The following ADARB2 variants were observed in gnomAD, a reference collection of about 807,000 sequenced individuals.
The protein encoded by ADARB2 is adenosine deaminase RNA specific B2 (inactive).
Under a neutral mutation model 62.2 loss-of-function variants are expected in ADARB2, and 25 were observed. The observed-to-expected ratio is 0.40, with a 90% CI of 0.29 to 0.56. The LOEUF (loss-of-function observed/expected upper bound fraction) is 0.56. Ranked by LOEUF, ADARB2 falls within the 20% of genes least tolerant of loss-of-function variation. The pLI is 0.43. For synonymous variants in ADARB2, 572 were observed against 500.8 expected (o/e 1.14, Z -1.90); for missense variants, 1,071 against 1,077.4 (o/e 0.99, Z 0.08).
chr10:1,533,909 C>T (rs74686493), intron 1 of ADARB2, among the ~76,000 whole-genome samples: 3,125 of 152,066 alleles, frequency 0.021, 113 homozygotes, highest in African/African-American at 0.07. Flanking sequence ...TGGTTTTTAA[C>T]GTAATCATTT....
Position 1,580,503 on chromosome 10 carries a change from C to CTTTTT in ADARB2, c.100+156543_100+156547dup, listed in dbSNP as rs11376658. Among the ~76,000 whole-genome samples the CTTTTT allele has an allele frequency of 2.8e-3, 400 of 144,808 alleles. 2 individuals carry two copies. The highest frequency in any genetic ancestry group is 3.6e-3 in the Non-Finnish European group (236 of 66,378). The allele number at this position is 144,808 out of a possible 152,430, so 95.0% of individuals were successfully genotyped here. A position where few individuals can be genotyped will look rare whatever the true frequency, so the allele number is the denominator to read the frequency against. On this transcript the variant is annotated intron_variant, in intron 1 of 9. Coordinates refer to ENST00000381312, the MANE Select transcript of ADARB2 (RefSeq NM_018702.4). ...TGAGATGAGAAAATTTGTCTTAAGG[C>CTTTTT]TTTTTTTTTTTTAGAGATTTCATTT...
chr10:1,646,706 A>G (rs1469758512), intron 1 of ADARB2, among the ~76,000 whole-genome samples: 1 of 152,228 alleles, frequency 6.6e-6, no homozygotes, highest in East Asian at 1.9e-4. Flanking sequence ...CCATTTTGCT[A>G]TAGCTCAGAC....
chr10:1,449,316 C>T (rs1286883202), intron 1 of ADARB2, among the ~76,000 whole-genome samples: 2 of 152,158 alleles, frequency 1.3e-5, no homozygotes, highest in East Asian at 3.9e-4. Flanking sequence ...CAGCTGGACC[C>T]CGTGCCCCTT....
At chr10:1,498,913 C>T (rs960128055) in intron 1 of ADARB2, among the ~76,000 whole-genome samples, 3 of 152,068 alleles carry the variant, frequency 2.0e-5, no homozygotes, top group African/African-American at 7.2e-5. Flanking sequence ...ACTCATCACT[C>T]AACACTCATT....
chr10:1,697,354 C>T (rs1271627468), intron 1 of ADARB2, among the ~76,000 whole-genome samples: 1 of 152,156 alleles, frequency 6.6e-6, no homozygotes, highest in African/African-American at 2.4e-5. Context: ...CCTTGTTGCT[C>T]AGTTTTCAGA....
At chr10:1,696,444 C>T (rs1037867728) in intron 1 of ADARB2, among the ~76,000 whole-genome samples, 3 of 152,160 alleles carry the variant, frequency 2.0e-5, no homozygotes, top group African/African-American at 7.2e-5. Flanking sequence ...TATATGATTT[C>T]TCCTGTTTTT....
At chr10:1,480,567 T>A (rs939855870) in intron 1 of ADARB2, among the ~76,000 whole-genome samples, 1 of 152,040 alleles carries the variant, frequency 6.6e-6, no homozygotes, top group Non-Finnish European at 1.5e-5. Flanking sequence ...CCGTGGTGGC[T>A]GGCACCTGTA....
chr10:1,475,326 C>T (rs1052829108), intron 1 of ADARB2, among the ~76,000 whole-genome samples: 2 of 152,206 alleles, frequency 1.3e-5, no homozygotes, highest in African/African-American at 4.8e-5. Flanking sequence ...CACCTTTTCC[C>T]CTTGGGCTTC....
intron 1 of ADARB2, among the ~76,000 whole-genome samples, chr10:1,514,701 G>A (rs955310431): frequency 6.6e-6 from 1 of 152,162 alleles, no homozygotes; most frequent in African/African-American, 2.4e-5. Flanking sequence ...GTCACCTGTG[G>A]CAGATGGCTA....
Position 1,183,106 on chromosome 10 carries a change from G to T in ADARB2, c.*87C>A. Reference sequence around the variant, plus strand: ...GACACCAAAGTAAAACGAATGCAGGGAACCGGCCGACCCGCCACGTCGCCC... The same window carrying T: ...GACACCAAAGTAAAACGAATGCAGGTAACCGGCCGACCCGCCACGTCGCCC... On this transcript the variant is annotated 3_prime_UTR_variant, in exon 10 of 10. Coordinates refer to ENST00000381312, the MANE Select transcript of ADARB2 (RefSeq NM_018702.4). 1 of 1,468,076 alleles carries T rather than the reference G, an allele frequency of 6.8e-7. No homozygotes were observed. The highest frequency in any genetic ancestry group is 9.2e-7 in the Non-Finnish European group (1 of 1,083,496). 90.9% of individuals were successfully genotyped at this position (1,468,076 alleles called of 1,614,324 possible). A position where few individuals can be genotyped will look rare whatever the true frequency, so the allele number is the denominator to read the frequency against.
intron 1 of ADARB2, among the ~76,000 whole-genome samples, chr10:1,404,294 G>A (rs1308315480): frequency 2.6e-5 from 4 of 152,220 alleles, no homozygotes; most frequent in East Asian, 1.9e-4. Context: ...GGGGGACCTC[G>A]GGAGATGCCC....
At chr10:1,184,767 C>A (rs576946072) in intron 9 of ADARB2, 94 bp downstream of exon 9, 225 of 1,393,406 alleles carry the variant, frequency 1.6e-4, no homozygotes, top group African/African-American at 2.9e-5. Context: ...TCCCTCCCTG[C>A]AGACCAAGTG....
At chr10:1,271,632 GCA>G (rs1019464118) in intron 3 of ADARB2, among the ~76,000 whole-genome samples, 19 of 150,638 alleles carry the variant, frequency 1.3e-4, no homozygotes, top group South Asian at 4.2e-4. Context: ...GCACACACAT[GCA>G]CACACACAGA....
intron 1 of ADARB2, among the ~76,000 whole-genome samples, chr10:1,467,156 G>T (rs1831264407): frequency 6.6e-6 from 1 of 152,132 alleles, no homozygotes; most frequent in East Asian, 1.9e-4. Flanking sequence ...ACATTGCGAT[G>T]CTTTCTATGT....
chr10:1,243,202 G>A (rs1031392171), intron 4 of ADARB2, among the ~76,000 whole-genome samples: 2 of 152,240 alleles, frequency 1.3e-5, no homozygotes, highest in Non-Finnish European at 2.9e-5. Flanking sequence ...GGAATGTTGC[G>A]GGTGCCCAGG....
At chr10:1,391,695 A>G (rs966538936) in intron 1 of ADARB2, among the ~76,000 whole-genome samples, 2 of 152,170 alleles carry the variant, frequency 1.3e-5, no homozygotes, top group African/African-American at 4.8e-5. Context: ...TTCATGTGAA[A>G]TAACACATTG....
rs2131781577 is a variant in ADARB2 at position 1,248,848 on chromosome 10, C to T, written c.1193-6549G>A. ...TGGCCAAACAGCAGGGCTCCTGCAC[C>T]CCCGCCAAAGCACCAAGCACAGTGA... On this transcript the variant is annotated intron_variant, in intron 4 of 9. Transcript: ENST00000381312. 2.0e-5 allele frequency among the ~76,000 whole-genome samples: 3 copies of T among 152,268 alleles called. No homozygotes were observed. The South Asian group carries it at 6.2e-4, about 32-fold the overall frequency.
At chr10:1,455,932 G>A (rs1028322060) in intron 1 of ADARB2, among the ~76,000 whole-genome samples, 3 of 152,170 alleles carry the variant, frequency 2.0e-5, no homozygotes, top group African/African-American at 7.2e-5. Flanking sequence ...TTTCTTTAAT[G>A]TATGTCACTT....
chr10:1,529,935 G>GACCCATCCACTGCTCCCGCCACCGCAGGC (rs541382866), intron 1 of ADARB2, among the ~76,000 whole-genome samples: 2 of 149,876 alleles, frequency 1.3e-5, no homozygotes, highest in East Asian at 3.9e-4. Flanking sequence ...CCACTGCAGG[G>GACCCATCCACTGCTCCCGCCACCGCAGGC]ACCCATTCAC....
Sources: allele counts gnomAD v4.1 joint callset (sites outside exome capture counted in the v4.1 genomes callset), GRCh38; gene constraint gnomAD v4.1.1; transcripts MANE v1.5; gene names NCBI Gene and HGNC (gene_info 2026-07-23, HGNC 2026-07-21).